The following PKN2 variants were observed in gnomAD, a reference collection of about 807,000 sequenced individuals.
PKN2 encodes the protein protein kinase N2.
Under a neutral mutation model 119.1 loss-of-function variants are expected in PKN2, and 38 were observed. The observed-to-expected ratio is 0.32, with a 90% CI of 0.25 to 0.42. PKN2 has a LOEUF of 0.42. Among genes scored for constraint, PKN2 ranks in the 10% least tolerant of loss-of-function variants. The pLI is 1.00. For synonymous variants in PKN2, 390 were observed against 384.9 expected, an observed-to-expected ratio of 1.01 and a Z score of -0.15; for missense variants, 850 against 1,165.1, an observed-to-expected ratio of 0.73 and a Z score of 3.94.
intron 16 of PKN2, among the ~76,000 whole-genome samples, chr1:88,818,362 T>C (rs1421039892): frequency 6.6e-6 from 1 of 152,136 alleles, no homozygotes; most frequent in Non-Finnish European, 1.5e-5. Context: ...AAAAAACTGC[T>C]TTAGGCTGGG....
At chr1:88,770,616 C>G in intron 4 of PKN2, 147 bp downstream of exon 4, 2 of 557,582 alleles carry the variant, frequency 3.6e-6, no homozygotes, top group South Asian at 4.7e-5. Context: ...GACGGAGTCT[C>G]GCTCTGTCGC....
At position 88,759,743 on chromosome 1, in the gene PKN2, G is replaced by T. The variant is rs138053827; in HGVS notation, c.350-479G>T. ...TTCAGAGAATATTAGGAACACCTCT[G>T]TGCATATAAACTAGAAAATCTAGAA... On this transcript the variant is annotated intron_variant, in intron 2 of 21. Transcript: ENST00000370521. Among the ~76,000 whole-genome samples, 20 of 152,146 alleles carry T rather than the reference G, an allele frequency of 1.3e-4. No homozygotes were observed. The East Asian group carries it at 3.9e-3, about 29-fold the overall frequency.
chr1:88,809,087 A>T (rs1054607840), intron 15 of PKN2, among the ~76,000 whole-genome samples: 2 of 152,068 alleles, frequency 1.3e-5, no homozygotes, highest in African/African-American at 4.8e-5. Flanking sequence ...GTTGAGATTT[A>T]TTTTTTTATG....
chr1:88,774,504 C>A (rs1670010197), intron 6 of PKN2, among the ~76,000 whole-genome samples: 1 of 152,108 alleles, frequency 6.6e-6, no homozygotes, highest in Non-Finnish European at 1.5e-5. Flanking sequence ...AACAAAGGCA[C>A]GCCTATCACT....
chr1:88,722,546 A>G (rs892003342), intron 1 of PKN2, among the ~76,000 whole-genome samples: 12 of 152,138 alleles, frequency 7.9e-5, no homozygotes, highest in Non-Finnish European at 1.2e-4. Context: ...AGGCTAAGGC[A>G]GGAGAATCGC....
At chr1:88,806,792 TC>T (rs1671560183) in intron 12 of PKN2, among the ~76,000 whole-genome samples, 2 of 152,188 alleles carry the variant, frequency 1.3e-5, no homozygotes, top group South Asian at 4.1e-4. Context: ...TGATCTTGGC[TC>T]ACTGCAACCT....
intron 1 of PKN2, among the ~76,000 whole-genome samples, chr1:88,734,215 A>T (rs1668253167): frequency 6.6e-6 from 1 of 152,148 alleles, no homozygotes; most frequent in South Asian, 2.1e-4. Flanking sequence ...AGAATGCTCA[A>T]ACTGTTTTTG....
At chr1:88,714,057 G>T (rs924542727) in intron 1 of PKN2, among the ~76,000 whole-genome samples, 3 of 152,228 alleles carry the variant, frequency 2.0e-5, no homozygotes, top group Middle Eastern at 3.4e-3. Context: ...TCCATTTCTT[G>T]TTTCTGTCTG....
chr1:88,805,977 A>C lies in PKN2; in HGVS notation c.1763A>C (p.Asp588Ala). The change falls in exon 12 of 22, where the codon GAT becomes GCT. Residue 588 changes from aspartate (D) to alanine (A), a missense_variant. Coordinates refer to ENST00000370521, the MANE Select transcript of PKN2 (RefSeq NM_006256.4). ...CGAGCTTCTTCTCTTGGAGAAATAG[A>C]TGAATCTTCTGAATTAAGAGTTTTG... ...PPRASSLGEI[D>A]ESSELRVLDI... 1 of 1,613,544 alleles carries C rather than the reference A, an allele frequency of 6.2e-7. No homozygotes were observed. The highest frequency in any genetic ancestry group is 1.3e-5 in the African/African-American group (1 of 75,024).
chr1:88,761,442 TA>T (rs1231518827), intron 3 of PKN2, among the ~76,000 whole-genome samples: 8 of 151,906 alleles, frequency 5.3e-5, no homozygotes, highest in Admixed American at 1.3e-4. Context: ...CAGAGGGAAA[TA>T]TTTTTTTTCT....
chr1:88,751,156 T>C (rs1466566896), intron 2 of PKN2, among the ~76,000 whole-genome samples: 1 of 152,148 alleles, frequency 6.6e-6, no homozygotes, highest in Non-Finnish European at 1.5e-5. Context: ...TTTTCTTTTT[T>C]TACCTCTCTT....
At position 88,813,729 on chromosome 1, in the gene PKN2, G is replaced by A; in HGVS notation, c.2275G>A (p.Ala759Thr). The A allele has an allele frequency of 6.3e-7, 1 of 1,588,652 alleles. No homozygotes were observed. The highest frequency in any genetic ancestry group is 8.5e-7 in the Non-Finnish European group (1 of 1,171,174). Residue 759 changes from alanine (A) to threonine (T), a missense_variant, in exon 16 of 22, where the codon GCT (alanine) becomes ACT (threonine). Ala to Thr is a moderately conservative substitution (Grantham distance 58, BLOSUM62 0). Coordinates refer to ENST00000370521, the MANE Select transcript of PKN2 (RefSeq NM_006256.4). ...TACTGATGTCTTTTCTGAACCAAGA[G>A]CTGTGTGAGTATGCTTTAGACATTT... ...IHTDVFSEPR[A>T]VFYAACVVLG...
chr1:88,772,929 T>C (rs1199303023), intron 6 of PKN2, among the ~76,000 whole-genome samples: 2 of 152,210 alleles, frequency 1.3e-5, no homozygotes, highest in East Asian at 3.9e-4. Context: ...TAGAACTGTC[T>C]GTATTTCTCC....
intron 8 of PKN2, among the ~76,000 whole-genome samples, chr1:88,802,553 T>C (rs975175419): frequency 2.0e-5 from 3 of 152,184 alleles, no homozygotes; most frequent in Non-Finnish European, 2.9e-5. Flanking sequence ...CTCGAACTCC[T>C]GACCTCAAGT....
At chr1:88,812,243 G>A (rs756370100) in intron 15 of PKN2, among the ~76,000 whole-genome samples, 6 of 152,142 alleles carry the variant, frequency 3.9e-5, no homozygotes, top group Admixed American at 2.0e-4. Context: ...CATCTGTGCA[G>A]ATACCTCATC....
intron 8 of PKN2, among the ~76,000 whole-genome samples, chr1:88,786,505 C>T (rs770202403): frequency 2.0e-5 from 3 of 152,066 alleles, no homozygotes; most frequent in African/African-American, 7.2e-5. Context: ...GATCTTAATG[C>T]GCTAACAGCT....
intron 2 of PKN2, among the ~76,000 whole-genome samples, chr1:88,755,810 C>G (rs1669174119): frequency 6.6e-6 from 1 of 151,978 alleles, no homozygotes; most frequent in African/African-American, 2.4e-5. Flanking sequence ...TTTCTTATTT[C>G]TTATATTCCT....
intron 1 of PKN2, among the ~76,000 whole-genome samples, chr1:88,728,341 G>A (rs1428699330): frequency 6.6e-6 from 1 of 151,950 alleles, no homozygotes. Context: ...CATCTCTCAG[G>A]TCTCAATAAA....
intron 2 of PKN2, among the ~76,000 whole-genome samples, chr1:88,745,026 A>G (rs988302053): frequency 2.6e-5 from 4 of 152,196 alleles, no homozygotes; most frequent in African/African-American, 9.7e-5. Context: ...GAGTATCCCC[A>G]TAGGAGCAGA....
Sources: allele counts gnomAD v4.1 joint callset (sites outside exome capture counted in the v4.1 genomes callset), GRCh38; gene constraint gnomAD v4.1.1; transcripts MANE v1.5; gene names NCBI Gene and HGNC (gene_info 2026-07-23, HGNC 2026-07-21).